Variants in NT5C2 observed in about 807,000 individuals in gnomAD.
NT5C2 encodes the protein 5'-nucleotidase, cytosolic II.
NT5C2 carries 58 observed loss-of-function variants against 76.1 expected under a neutral mutation model. That is an observed-to-expected ratio of 0.76 (90% CI 0.62 to 0.95). The LOEUF is 0.95. Among genes scored for constraint, NT5C2 ranks in the 40% least tolerant of loss-of-function variants. The pLI is 0.00. For missense variants in NT5C2, 478 were observed against 690.3 expected (o/e 0.69, Z 3.45); for synonymous variants, 229 against 237.4 (o/e 0.96, Z 0.32).
chr10:103,183,633 T>C (rs116821290), intron 1 of NT5C2, among the ~76,000 whole-genome samples: 25,611 of 149,168 alleles, frequency 0.17, 2,575 homozygotes, highest in Non-Finnish European at 0.23. Context: ...TATATATATA[T>C]ACATATACAT....
intron 4 of NT5C2, among the ~76,000 whole-genome samples, chr10:103,128,349 G>C (rs944972294): frequency 6.9e-6 from 1 of 144,468 alleles, no homozygotes; most frequent in African/African-American, 2.6e-5. Flanking sequence ...ATTGCAGACG[G>C]AGTCTCCTTC....
chr10:103,187,779 AAT>A (rs1408569924), intron 1 of NT5C2, among the ~76,000 whole-genome samples: 1 of 152,218 alleles, frequency 6.6e-6, no homozygotes, highest in Non-Finnish European at 1.5e-5. Flanking sequence ...ACTAGATTCT[AAT>A]ATGACTGCTA....
chr10:103,173,451 A>G (rs761535406), intron 3 of NT5C2, among the ~76,000 whole-genome samples: 2 of 150,882 alleles, frequency 1.3e-5, no homozygotes, highest in African/African-American at 2.4e-5. Context: ...CCCCATCTCT[A>G]CCAAAAATAC....
chr10:103,156,567 C>T (rs2083434329), intron 3 of NT5C2, among the ~76,000 whole-genome samples: 1 of 148,994 alleles, frequency 6.7e-6, no homozygotes, highest in African/African-American at 2.5e-5. Context: ...ACCAGCCCAG[C>T]CAACGTGGCG....
chr10:103,185,263 G>A (rs903335882), intron 1 of NT5C2, among the ~76,000 whole-genome samples: 8 of 151,884 alleles, frequency 5.3e-5, no homozygotes, highest in African/African-American at 1.9e-4. Context: ...AAGCATAAAG[G>A]TATAAACCAG....
chr10:103,089,756 G>C lies in NT5C2; in HGVS notation c.1602C>G (p.Pro534=). The C allele has an allele frequency of 1.9e-6, 3 of 1,613,988 alleles. No homozygotes were observed. Among genetic ancestry groups the C allele is most frequent in the Non-Finnish European group, 2.5e-6 (3 of 1,179,988 alleles). ...LTRSISEIKP[P]NLFPLAPQEI... ...CCTGGGGGGCCAGTGGGAAGAGGTT[G>C]GGAGGTTTAATCTCACTAATTGACC... The change falls in exon 19 of 19, where the codon CCC becomes CCG. Residue 534 remains proline, a synonymous_variant. Transcript: ENST00000404739.
intron 4 of NT5C2, among the ~76,000 whole-genome samples, chr10:103,126,699 C>G (rs1313810698): frequency 6.6e-6 from 1 of 152,206 alleles, no homozygotes; most frequent in Non-Finnish European, 1.5e-5. Context: ...TCAGTACTAT[C>G]TAGATTCTAA....
intron 1 of NT5C2, among the ~76,000 whole-genome samples, chr10:103,182,407 C>T (rs797013134): frequency 4.6e-5 from 7 of 151,822 alleles, no homozygotes; most frequent in African/African-American, 1.5e-4. Context: ...GAAGCCGAGG[C>T]GGGTGGATCA....
chr10:103,094,076 C>T (rs1325625381), intron 13 of NT5C2, 38 bp from the exon 14 acceptor site: 2 of 1,543,140 alleles, frequency 1.3e-6, no homozygotes, highest in African/African-American at 2.7e-5. Flanking sequence ...ACTTTATCAT[C>T]CTATCACAAT....
At chr10:103,090,150 G>A (rs1037923467) in intron 18 of NT5C2, 1 of 433,094 alleles carries the variant, frequency 2.3e-6, no homozygotes, top group Non-Finnish European at 4.1e-6. Context: ...ATGGAGAGGG[G>A]AGTTTACTTT....
chr10:103,184,014 G>A (rs929321165), intron 1 of NT5C2, among the ~76,000 whole-genome samples: 34 of 150,694 alleles, frequency 2.3e-4, no homozygotes, highest in Admixed American at 7.3e-4. Context: ...GTGCAATGAC[G>A]CGATCTCGGC....
intron 3 of NT5C2, among the ~76,000 whole-genome samples, chr10:103,140,355 T>C (rs2080173316): frequency 1.3e-5 from 2 of 151,896 alleles, no homozygotes. Context: ...CGTTCATCCA[T>C]GGTGTTGCAA....
chr10:103,110,841 C>T (rs1256948094), intron 4 of NT5C2, among the ~76,000 whole-genome samples: 1 of 152,182 alleles, frequency 6.6e-6, no homozygotes, highest in Non-Finnish European at 1.5e-5. Context: ...CGCAGAATTG[C>T]AGCCACACAG....
intron 4 of NT5C2, among the ~76,000 whole-genome samples, chr10:103,136,643 G>A (rs1322218328): frequency 9.8e-6 from 1 of 102,110 alleles, no homozygotes; most frequent in African/African-American, 3.6e-5. Flanking sequence ...TTTTTTTTTT[G>A]AGACACGGTC....
intron 4 of NT5C2, among the ~76,000 whole-genome samples, chr10:103,135,295 A>C (rs1475436802): frequency 1.3e-5 from 2 of 152,208 alleles, no homozygotes; most frequent in East Asian, 3.9e-4. Flanking sequence ...TAATTGAATC[A>C]TGGGAGTGGG....
chr10:103,138,259 T>C (rs2079674762), intron 4 of NT5C2, among the ~76,000 whole-genome samples: 1 of 152,180 alleles, frequency 6.6e-6, no homozygotes, highest in South Asian at 2.1e-4. Flanking sequence ...AGTACATCTC[T>C]GAGTTTTTTG....
chr10:103,120,442 CCA>C (rs750288662), intron 4 of NT5C2, among the ~76,000 whole-genome samples: 4 of 152,160 alleles, frequency 2.6e-5, no homozygotes, highest in East Asian at 1.9e-4. Flanking sequence ...ATGTGTAACT[CCA>C]CAGTTATTTT....
intron 14 of NT5C2, 129 bp downstream of exon 14, chr10:103,093,843 C>T (rs1423735214): frequency 4.4e-6 from 3 of 679,310 alleles, no homozygotes; most frequent in Non-Finnish European, 5.2e-6. Context: ...GGTGACTAAA[C>T]TATTTACCTT....
chr10:103,103,815 C>T (rs2070437417), intron 6 of NT5C2, among the ~76,000 whole-genome samples: 1 of 152,002 alleles, frequency 6.6e-6, no homozygotes, highest in Non-Finnish European at 1.5e-5. Context: ...TTCCCTCTAT[C>T]TTCAGTCTCT....
Sources: gnomAD v4.1 joint callset for allele counts (sites outside exome capture counted in the v4.1 genomes callset) on GRCh38, gnomAD v4.1.1 for gene constraint, MANE v1.5 for transcripts, NCBI Gene and HGNC (gene_info 2026-07-23, HGNC 2026-07-21) for gene names.